The following KCNIP4 variants were observed in gnomAD, a reference collection of about 807,000 sequenced individuals.
The protein encoded by KCNIP4 is potassium voltage-gated channel interacting protein 4, also known as Kv channel-interacting protein 4.
KCNIP4 carries 12 observed loss-of-function variants against 34.0 expected under a neutral mutation model. That is an observed-to-expected ratio of 0.35 (90% CI 0.23 to 0.57). The LOEUF (loss-of-function observed/expected upper bound fraction) is 0.57, where lower values mean the gene tolerates loss of function less well. Ranked by LOEUF, KCNIP4 falls within the 20% of genes least tolerant of loss-of-function variation. The probability of loss-of-function intolerance (pLI) is 0.83; values close to 1 mark genes in which losing one functional copy is unlikely to be tolerated. For missense variants in KCNIP4, 238 were observed against 311.7 expected (o/e 0.76, Z 1.78); for synonymous variants, 124 against 102.2 (o/e 1.21, Z -1.29).
intron 1 of KCNIP4, among the ~76,000 whole-genome samples, chr4:21,136,947 C>A (rs1751543405): frequency 6.6e-6 from 1 of 152,140 alleles, no homozygotes; most frequent in Non-Finnish European, 1.5e-5. Flanking sequence ...GCTCAGCTGC[C>A]TCCATGCTCT....
intron 1 of KCNIP4, among the ~76,000 whole-genome samples, chr4:21,501,719 T>C: frequency 6.7e-6 from 1 of 149,156 alleles, no homozygotes; most frequent in Middle Eastern, 3.4e-3. Context: ...TGTGTGTGCG[T>C]TGGAAGGGGC....
chr4:20,788,601 A>C (rs1368841866), intron 3 of KCNIP4, among the ~76,000 whole-genome samples: 2 of 152,206 alleles, frequency 1.3e-5, no homozygotes, highest in African/African-American at 2.4e-5. Context: ...ATCAAAAATA[A>C]TAAATGGTTA....
chr4:21,353,728 G>A, intron 1 of KCNIP4, among the ~76,000 whole-genome samples: 1 of 152,172 alleles, frequency 6.6e-6, no homozygotes, highest in East Asian at 1.9e-4. Flanking sequence ...CACTCTTCAG[G>A]ATATTATCCA....
rs146209222 is a variant in KCNIP4 at position 21,663,442 on chromosome 4, C to T, written c.61+285129G>A. ...GCGGAGTGTAAGCCTTTGGGAGCAC[C>T]GTGCTATGACTGCAGATGCTCCCTG... On this transcript the variant is annotated intron_variant, in intron 1 of 8. Coordinates refer to ENST00000382152, the MANE Select transcript of KCNIP4 (RefSeq NM_025221.6). Among the ~76,000 whole-genome samples, 452 of 152,214 alleles carry T rather than the reference C, an allele frequency of 3.0e-3. 2 individuals carry two copies. Among genetic ancestry groups the T allele is most frequent in the African/African-American group, 0.01 (429 of 41,558 alleles).
At chr4:20,857,876 G>A (rs1483749708) in intron 2 of KCNIP4, among the ~76,000 whole-genome samples, 2 of 152,000 alleles carry the variant, frequency 1.3e-5, no homozygotes, top group Non-Finnish European at 2.9e-5. Context: ...ATATGTTGAA[G>A]GTCTAACCCT....
intron 1 of KCNIP4, among the ~76,000 whole-genome samples, chr4:21,082,207 A>T (rs2109022691): frequency 6.6e-6 from 1 of 151,918 alleles, no homozygotes; most frequent in Admixed American, 6.6e-5. Flanking sequence ...TTAAGAGTTT[A>T]AAGGAAAACA....
At chr4:20,751,625 C>G (rs1753655079) in intron 4 of KCNIP4, among the ~76,000 whole-genome samples, 1 of 152,186 alleles carries the variant, frequency 6.6e-6, no homozygotes, top group African/African-American at 2.4e-5. Flanking sequence ...GAGTAAATGC[C>G]TTTACCTTAG....
intron 1 of KCNIP4, among the ~76,000 whole-genome samples, chr4:21,831,207 G>T (rs1239167381): frequency 6.6e-6 from 1 of 151,710 alleles, no homozygotes; most frequent in Admixed American, 6.6e-5. Context: ...CAAACAAGAA[G>T]AAAGATCTCA....
chr4:21,541,173 A>C (rs573651456), intron 1 of KCNIP4, among the ~76,000 whole-genome samples: 2 of 137,446 alleles, frequency 1.5e-5, no homozygotes, highest in Admixed American at 1.4e-4. Flanking sequence ...TCCATCACAA[A>C]AGAAAACAAA....
chr4:20,729,259 C>A lies in KCNIP4; in HGVS notation c.*823G>T, dbSNP rs959677059. On this transcript the variant is annotated 3_prime_UTR_variant, in exon 9 of 9. Coordinates refer to ENST00000382152, the MANE Select transcript of KCNIP4 (RefSeq NM_025221.6). ...GGAGGATAGATATCCTGACCCTTTGCATATGTCTGTAAACATCCTTGTTTT... is the reference window on the plus strand; with the variant it reads ...GGAGGATAGATATCCTGACCCTTTGAATATGTCTGTAAACATCCTTGTTTT... 1 of 151,830 alleles carries A rather than the reference C, an allele frequency of 6.6e-6. No homozygotes were observed. Among genetic ancestry groups the A allele is most frequent in the Non-Finnish European group, 1.5e-5 (1 of 67,934 alleles). 9.4% of individuals were successfully genotyped at this position (151,830 alleles called of 1,614,324 possible).
intron 1 of KCNIP4, among the ~76,000 whole-genome samples, chr4:21,474,104 G>T (rs1309121456): frequency 6.6e-6 from 1 of 152,146 alleles, no homozygotes; most frequent in East Asian, 1.9e-4. Flanking sequence ...ATTGGCATCT[G>T]TGTAGAATGA....
chr4:21,200,972 T>G (rs2108954085), intron 1 of KCNIP4, among the ~76,000 whole-genome samples: 1 of 152,220 alleles, frequency 6.6e-6, no homozygotes, highest in East Asian at 1.9e-4. Flanking sequence ...AAGAAGAAAC[T>G]GAGTCAAAGA....
At chr4:21,424,343 TG>T (rs1021866351) in intron 1 of KCNIP4, among the ~76,000 whole-genome samples, 3 of 151,014 alleles carry the variant, frequency 2.0e-5, no homozygotes, top group African/African-American at 7.3e-5. Flanking sequence ...GAGGCCAAGG[TG>T]GGACGATCAC....
intron 1 of KCNIP4, among the ~76,000 whole-genome samples, chr4:21,468,900 G>T (rs1428203813): frequency 6.6e-6 from 1 of 151,996 alleles, no homozygotes; most frequent in Non-Finnish European, 1.5e-5. Flanking sequence ...GTCTCACATT[G>T]CTCAACATCA....
chr4:20,807,785 G>C (rs1178015607), intron 3 of KCNIP4, among the ~76,000 whole-genome samples: 1 of 152,130 alleles, frequency 6.6e-6, no homozygotes, highest in African/African-American at 2.4e-5. Flanking sequence ...AGCACAAACA[G>C]ACCATTACGT....
At chr4:20,866,640 A>T (rs1224683182) in intron 2 of KCNIP4, among the ~76,000 whole-genome samples, 1 of 152,114 alleles carries the variant, frequency 6.6e-6, no homozygotes, top group Non-Finnish European at 1.5e-5. Flanking sequence ...TCAACATGGT[A>T]TTGGAAGTCC....
At chr4:21,259,885 CTGTGTGTGTGTGTGTGTG>C (rs4054880) in intron 1 of KCNIP4, among the ~76,000 whole-genome samples, 1 of 145,906 alleles carries the variant, frequency 6.9e-6, no homozygotes, top group Non-Finnish European at 1.5e-5. Context: ...GCGCCCAAGA[CTGTGTGTGTGTGTGTGTG>C]TGTGTGTGTG....
In KCNIP4 at chr4:21,691,560, C is replaced by T. The variant is rs114626943; in HGVS notation, c.61+257011G>A. On this transcript the variant is annotated intron_variant, in intron 1 of 8. Coordinates refer to ENST00000382152, the MANE Select transcript of KCNIP4 (RefSeq NM_025221.6). ...GATCACAATCGATGTATAATATCCT[C>T]GGTAGTCTTTGTCTTGTATTGTGAA... Among the ~76,000 whole-genome samples, 635 of 152,166 alleles carry T rather than the reference C, an allele frequency of 4.2e-3. 7 individuals carry two copies. Among genetic ancestry groups the T allele is most frequent in the African/African-American group, 0.014 (597 of 41,532 alleles).
intron 1 of KCNIP4, among the ~76,000 whole-genome samples, chr4:21,017,368 T>G (rs187809026): frequency 6.6e-6 from 1 of 152,134 alleles, no homozygotes; most frequent in African/African-American, 2.4e-5. Context: ...CAGGCTCTAG[T>G]GTGTGTTGTT....
Sources: gnomAD v4.1 joint callset for allele counts (sites outside exome capture counted in the v4.1 genomes callset) on GRCh38, gnomAD v4.1.1 for gene constraint, MANE v1.5 for transcripts, NCBI Gene and HGNC (gene_info 2026-07-23, HGNC 2026-07-21) for gene names.